Variants in ORMDL1 observed in about 807,000 individuals in gnomAD.
ORMDL1 encodes the protein ORMDL sphingolipid biosynthesis regulator 1.
Under a neutral mutation model 13.0 loss-of-function variants are expected in ORMDL1, and 10 were observed. The ratio of observed to expected loss-of-function variants is 0.77; its 90% CI spans 0.47 to 1.30. The LOEUF is 1.30. Ranked by LOEUF, ORMDL1 falls within the 50% of genes most tolerant of loss-of-function variation. The pLI, the probability that ORMDL1 is intolerant of heterozygous loss-of-function variation, is 0.00. For synonymous variants in ORMDL1, 61 were observed against 63.9 expected, an observed-to-expected ratio of 0.95 and a Z score of 0.22; for missense variants, 171 against 186.7, an observed-to-expected ratio of 0.92 and a Z score of 0.49.
At chr2:189,772,589 A>G (rs2047603020) in intron 4 of ORMDL1, among the ~76,000 whole-genome samples, 1 of 152,238 alleles carries the variant, frequency 6.6e-6, no homozygotes, top group African/African-American at 2.4e-5. Flanking sequence ...CACCAAGTCC[A>G]GAATGTTTAG....
At chr2:189,777,847 C>A (rs2047732450) in intron 3 of ORMDL1, among the ~76,000 whole-genome samples, 1 of 152,086 alleles carries the variant, frequency 6.6e-6, no homozygotes, top group South Asian at 2.1e-4. Flanking sequence ...ATTTTTCTAA[C>A]CGGGTGTAAC....
chr2:189,768,842 A>C (rs1410051000), downstream of ORMDL1, among the ~76,000 whole-genome samples: 2 of 152,204 alleles, frequency 1.3e-5, no homozygotes, highest in Non-Finnish European at 2.9e-5. Context: ...TAGTGGGAGA[A>C]ATCTGAAACC....
chr2:189,777,955 AG>A (rs1428507670), intron 3 of ORMDL1, among the ~76,000 whole-genome samples: 1 of 152,220 alleles, frequency 6.6e-6, no homozygotes, highest in Non-Finnish European at 1.5e-5. Context: ...TTAAATTTGG[AG>A]TCATGTAATT....
intron 4 of ORMDL1, chr2:189,773,892 G>A (rs539857511): frequency 1.3e-5 from 2 of 152,148 alleles, no homozygotes; most frequent in African/African-American, 2.4e-5. Flanking sequence ...CATACCTGTT[G>A]GTCAAAAATA....
At chr2:189,779,179 G>C (rs778204492) in intron 3 of ORMDL1, among the ~76,000 whole-genome samples, 8 of 152,064 alleles carry the variant, frequency 5.3e-5, no homozygotes, top group Non-Finnish European at 1.2e-4. Flanking sequence ...CCCTGTCTCT[G>C]TAAGAAAAAC....
At chr2:189,778,144 C>G (rs1322416305) in intron 3 of ORMDL1, 1 of 447,178 alleles carries the variant, frequency 2.2e-6, no homozygotes, top group South Asian at 1.6e-5. Context: ...GGCTCACACT[C>G]AGCACTTTGG....
chr2:189,771,359 GT>G lies in ORMDL1; in HGVS notation c.*407del. On this transcript the variant is annotated 3_prime_UTR_variant, in exon 5 of 5. Coordinates refer to ENST00000392349, the MANE Select transcript of ORMDL1 (RefSeq NM_016467.5). ...ATAAACTTGTATAGAGAGGATTCCG[GT>G]TTACATGTAAGTCTGCTTTAAATAA... 6.5e-6 allele frequency: 1 copy of G among 154,034 alleles called. No homozygotes were observed. Among genetic ancestry groups the G allele is most frequent in the Non-Finnish European group, 1.4e-5 (1 of 69,422 alleles). 9.5% of individuals were successfully genotyped at this position (154,034 alleles called of 1,614,324 possible).
At chr2:189,772,867 G>T (rs2047608658) in intron 4 of ORMDL1, among the ~76,000 whole-genome samples, 1 of 152,168 alleles carries the variant, frequency 6.6e-6, no homozygotes, top group Non-Finnish European at 1.5e-5. Flanking sequence ...CATCACAAGA[G>T]AATTTTATAC....
At chr2:189,781,274 T>C (rs79339925) in intron 3 of ORMDL1, among the ~76,000 whole-genome samples, 5,151 of 152,310 alleles carry the variant, frequency 0.034, 101 homozygotes, top group South Asian at 0.07. Flanking sequence ...CCTGTCTTAA[T>C]GCTTTAAGTT....
chr2:189,768,141 G>C (rs181928837), downstream of ORMDL1, among the ~76,000 whole-genome samples: 167 of 152,160 alleles, frequency 1.1e-3, 1 homozygote, highest in South Asian at 5.8e-3. Flanking sequence ...TTTTCTTTTT[G>C]ACACAACAAA....
At chr2:189,782,169 C>G (rs2047858113) in intron 3 of ORMDL1, among the ~76,000 whole-genome samples, 3 of 152,144 alleles carry the variant, frequency 2.0e-5, no homozygotes, top group Admixed American at 1.3e-4. Context: ...TCTTGAACTC[C>G]TGACCTTGTG....
downstream of ORMDL1, chr2:189,765,693 A>C (rs1226874390): frequency 6.6e-6 from 1 of 152,232 alleles, no homozygotes; most frequent in African/African-American, 2.4e-5. Context: ...TGCTTGGTAA[A>C]TACAGAACAG....
At chr2:189,772,951 T>C (rs2047611505) in intron 4 of ORMDL1, among the ~76,000 whole-genome samples, 1 of 152,174 alleles carries the variant, frequency 6.6e-6, no homozygotes, top group Non-Finnish European at 1.5e-5. Flanking sequence ...AGAAAATTCT[T>C]TCTCTAGTGT....
downstream of ORMDL1, among the ~76,000 whole-genome samples, chr2:189,769,134 A>G (rs1228049699): frequency 6.6e-6 from 1 of 152,192 alleles, no homozygotes; most frequent in East Asian, 1.9e-4. Context: ...CTGTAATCCC[A>G]GCCTGACCAA....
intron 4 of ORMDL1, chr2:189,775,270 G>T: frequency 4.4e-6 from 1 of 228,566 alleles, no homozygotes; most frequent in Non-Finnish European, 8.4e-6. Flanking sequence ...TATGTATTTT[G>T]TGTCCTTATA....
At chr2:189,771,970 T>A (rs2047589319) in intron 4 of ORMDL1, 68 bp from the exon 5 acceptor site, 2 of 1,236,306 alleles carry the variant, frequency 1.6e-6, no homozygotes, top group Non-Finnish European at 1.1e-6. Flanking sequence ...TTAAACAATT[T>A]TAAAGGTAGA....
chr2:189,779,247 CAGA>C (rs1399065798), intron 3 of ORMDL1, among the ~76,000 whole-genome samples: 7 of 152,100 alleles, frequency 4.6e-5, no homozygotes, highest in Non-Finnish European at 1.0e-4. Context: ...GAGGATGGTG[CAGA>C]AGGACTGCTT....
chr2:189,781,483 G>C (rs2047829094), intron 3 of ORMDL1, among the ~76,000 whole-genome samples: 1 of 151,932 alleles, frequency 6.6e-6, no homozygotes, highest in South Asian at 2.1e-4. Context: ...TCAAAACTTT[G>C]ATACTCTGTA....
downstream of ORMDL1, among the ~76,000 whole-genome samples, chr2:189,766,978 G>T (rs2047493708): frequency 6.6e-6 from 1 of 152,136 alleles, no homozygotes; most frequent in South Asian, 2.1e-4. Flanking sequence ...GTGTGTATAT[G>T]TCACATTTCT....
Sources: gnomAD v4.1 joint callset for allele counts (sites outside exome capture counted in the v4.1 genomes callset) on GRCh38, gnomAD v4.1.1 for gene constraint, MANE v1.5 for transcripts, NCBI Gene and HGNC (gene_info 2026-07-23, HGNC 2026-07-21) for gene names.